CA10: variants seen among roughly 807,000 people sequenced by gnomAD.
The protein encoded by CA10 is carbonic anhydrase-related protein 10.
CA10 carries 14 observed loss-of-function variants against 44.2 expected under a neutral mutation model. That is an observed-to-expected ratio of 0.32 (90% CI 0.21 to 0.50). CA10 has a LOEUF of 0.50. Among genes scored for constraint, CA10 ranks in the 20% least tolerant of loss-of-function variants. The probability of loss-of-function intolerance (pLI) is 0.99; values close to 1 mark genes in which losing one functional copy is unlikely to be tolerated. For missense variants in CA10, 350 were observed against 409.7 expected, an observed-to-expected ratio of 0.85 and a Z score of 1.26; for synonymous variants, 159 against 141.6, an observed-to-expected ratio of 1.12 and a Z score of -0.87.
chr17:52,051,446 C>G (rs1179531732), intron 2 of CA10, among the ~76,000 whole-genome samples: 1 of 146,736 alleles, frequency 6.8e-6, no homozygotes, highest in African/African-American at 2.5e-5. Context: ...CTTAAATTCA[C>G]AAGAAAAAAA....
chr17:51,748,623 T>C (rs1904790893), intron 3 of CA10: 1 of 293,968 alleles, frequency 3.4e-6, no homozygotes. Context: ...TTGACTTAGC[T>C]CTGGGAGTAG....
chr17:51,929,466 C>T (rs1166667046), intron 3 of CA10, among the ~76,000 whole-genome samples: 1 of 152,142 alleles, frequency 6.6e-6, no homozygotes, highest in Non-Finnish European at 1.5e-5. Flanking sequence ...TCTCTTCGCT[C>T]CCTGTGTTCA....
chr17:51,635,799 G>C (rs1343220452), intron 7 of CA10, 56 bp downstream of exon 7: 9 of 1,382,910 alleles, frequency 6.5e-6, no homozygotes, highest in Non-Finnish European at 7.9e-6. Context: ...ACATTTCAGT[G>C]ATTTTTTTTT....
At chr17:51,995,705 C>T (rs1338397009) in intron 2 of CA10, among the ~76,000 whole-genome samples, 1 of 152,050 alleles carries the variant, frequency 6.6e-6, no homozygotes, top group Non-Finnish European at 1.5e-5. Context: ...GGTTCTCTGA[C>T]TATCCAGGCC....
chr17:51,990,736 A>G (rs2046584985), intron 2 of CA10, among the ~76,000 whole-genome samples: 1 of 152,002 alleles, frequency 6.6e-6, no homozygotes, highest in Non-Finnish European at 1.5e-5. Flanking sequence ...TCAACTCTCT[A>G]TTTCTCATTT....
intron 2 of CA10, among the ~76,000 whole-genome samples, chr17:51,973,840 T>A (rs1017665265): frequency 3.3e-5 from 5 of 152,140 alleles, no homozygotes; most frequent in African/African-American, 1.2e-4. Context: ...ATAAAATAAC[T>A]ACTAGAATGT....
At chr17:51,783,768 G>A (rs983234329) in intron 3 of CA10, among the ~76,000 whole-genome samples, 13 of 152,202 alleles carry the variant, frequency 8.5e-5, no homozygotes, top group African/African-American at 2.4e-4. Context: ...AATGGCAGAA[G>A]AGGGTGGGCT....
intron 1 of CA10, among the ~76,000 whole-genome samples, chr17:52,122,793 G>A (rs1264909240): frequency 6.6e-6 from 1 of 152,150 alleles, no homozygotes; most frequent in African/African-American, 2.4e-5. Context: ...AAGAGAAACT[G>A]TAATTGGAAA....
At chr17:51,775,681 A>G (rs1905792530) in intron 3 of CA10, among the ~76,000 whole-genome samples, 1 of 152,208 alleles carries the variant, frequency 6.6e-6, no homozygotes, top group Non-Finnish European at 1.5e-5. Flanking sequence ...ATAAGGACAA[A>G]GCAAAGAAGC....
At chr17:51,955,893 T>C (rs1983648116) in intron 2 of CA10, among the ~76,000 whole-genome samples, 1 of 152,082 alleles carries the variant, frequency 6.6e-6, no homozygotes, top group African/African-American at 2.4e-5. Flanking sequence ...GCTTAAAACC[T>C]AGATGACGGA....
intron 1 of CA10, among the ~76,000 whole-genome samples, chr17:52,125,514 G>A (rs945235040): frequency 2.6e-5 from 4 of 152,102 alleles, no homozygotes; most frequent in Non-Finnish European, 5.9e-5. Flanking sequence ...GTGGGAAGTG[G>A]GGCGGATCTC....
chr17:51,894,251 A>T (rs1376950625), intron 3 of CA10, among the ~76,000 whole-genome samples: 1 of 152,138 alleles, frequency 6.6e-6, no homozygotes, highest in Admixed American at 6.6e-5. Flanking sequence ...ATGACTGAAT[A>T]AAGAGACCTG....
chr17:51,789,054 G>A (rs1906406797), intron 3 of CA10, among the ~76,000 whole-genome samples: 1 of 152,098 alleles, frequency 6.6e-6, no homozygotes, highest in African/African-American at 2.4e-5. Context: ...CAATCACCCA[G>A]GCTGGAGTGC....
intron 3 of CA10, among the ~76,000 whole-genome samples, chr17:51,846,782 T>C (rs1978513764): frequency 6.6e-6 from 1 of 152,226 alleles, no homozygotes; most frequent in African/African-American, 2.4e-5. Flanking sequence ...CGCTGTGGGC[T>C]GATTTGTGTC....
intron 4 of CA10, among the ~76,000 whole-genome samples, chr17:51,680,922 C>T (rs144695944): frequency 2.6e-5 from 4 of 151,938 alleles, no homozygotes; most frequent in African/African-American, 7.3e-5. Context: ...ATTTCCCCCC[C>T]AACATTCCCA....
At chr17:51,891,929 A>T (rs1378784431) in intron 3 of CA10, among the ~76,000 whole-genome samples, 1 of 152,102 alleles carries the variant, frequency 6.6e-6, no homozygotes, top group Non-Finnish European at 1.5e-5. Flanking sequence ...TGCCATCCCT[A>T]CCTACATGGG....
chr17:51,666,239 T>G (rs1446548395), intron 4 of CA10, among the ~76,000 whole-genome samples: 1 of 152,146 alleles, frequency 6.6e-6, no homozygotes, highest in Non-Finnish European at 1.5e-5. Context: ...TGTAGCATCA[T>G]GGAAGACCAT....
intron 3 of CA10, among the ~76,000 whole-genome samples, chr17:51,780,028 G>A (rs554094857): frequency 1.3e-5 from 2 of 152,140 alleles, no homozygotes; most frequent in Admixed American, 1.3e-4. Context: ...AAACAGGAAG[G>A]AACATCACGA....
chr17:51,951,880 A>G (rs2144034611), intron 2 of CA10, among the ~76,000 whole-genome samples: 1 of 152,316 alleles, frequency 6.6e-6, no homozygotes, highest in South Asian at 2.1e-4. Flanking sequence ...AGGAGGAAAC[A>G]TTCTGTACAC....
Sources: gnomAD v4.1 joint callset for allele counts (sites outside exome capture counted in the v4.1 genomes callset) on GRCh38, gnomAD v4.1.1 for gene constraint, MANE v1.5 for transcripts, NCBI Gene and HGNC (gene_info 2026-07-23, HGNC 2026-07-21) for gene names.